CARD16: variants seen among roughly 807,000 people sequenced by gnomAD.
CARD16 encodes the protein caspase recruitment domain-containing protein 16.
In CARD16, 8 loss-of-function variants were observed where a neutral mutation model predicts 11.9. That is an observed-to-expected ratio of 0.67 (90% CI 0.39 to 1.21). The LOEUF is 1.21. CARD16 is among the 50% of genes most tolerant of loss of function. CARD16 has a pLI of 0.01. For missense variants in CARD16, 131 were observed against 118.1 expected (o/e 1.11, Z -0.51); for synonymous variants, 44 against 43.8 (o/e 1.00, Z -0.02).
Position 105,044,092 on chromosome 11 carries a change from G to A in CARD16, c.274+300C>T, listed in dbSNP as rs915615439. On this transcript the variant is annotated intron_variant, in intron 2 of 3. Transcript: ENST00000673097. Reference sequence around the variant, plus strand: ...TAATAAATCAATCAATAAATATCGTGCCTTGCCAGGAACACTGGAACATAT... The same window carrying A: ...TAATAAATCAATCAATAAATATCGTACCTTGCCAGGAACACTGGAACATAT... 3.7e-5 allele frequency: 18 copies of A among 484,934 alleles called. 1 individual carries two copies. The highest frequency in any genetic ancestry group is 5.4e-4 in the Middle Eastern group (1 of 1,848). 30.0% of individuals were successfully genotyped at this position (484,934 alleles called of 1,614,324 possible). A position where few individuals can be genotyped will look rare whatever the true frequency, so the allele number is the denominator to read the frequency against.
At chr11:105,043,804 T>C (rs555904330) in intron 2 of CARD16, 2 of 401,534 alleles carry the variant, frequency 5.0e-6, no homozygotes, top group Admixed American at 4.2e-5. Flanking sequence ...CCTCCCAGTA[T>C]GATCTGCAGC....
intron 2 of CARD16, chr11:105,043,869 G>A (rs578024439): frequency 1.9e-5 from 6 of 308,268 alleles, no homozygotes; most frequent in Non-Finnish European, 3.6e-5. Flanking sequence ...GGCAACGGGA[G>A]GAAAGAGCCC....
At chr11:105,044,210 C>T in intron 2 of CARD16, 182 bp downstream of exon 2, 1 of 935,312 alleles carries the variant, frequency 1.1e-6, no homozygotes, top group Non-Finnish European at 1.6e-6. Context: ...GAAGAGGGCA[C>T]TGAGGATGAA....
chr11:105,042,360 T>C (rs904755497), intron 3 of CARD16, among the ~76,000 whole-genome samples: 14 of 152,156 alleles, frequency 9.2e-5, no homozygotes, highest in African/African-American at 3.1e-4. Flanking sequence ...TTCACGAACA[T>C]ATGAGGAAAT....
chr11:105,043,260 G>C (rs1022655763), intron 3 of CARD16, among the ~76,000 whole-genome samples: 5 of 152,072 alleles, frequency 3.3e-5, no homozygotes, highest in Non-Finnish European at 7.4e-5. Context: ...GTACTTATTT[G>C]GGTAATCAGA....
intron 3 of CARD16, 92 bp from the exon 4 acceptor site, chr11:105,041,811 T>G: frequency 8.3e-7 from 1 of 1,210,296 alleles, no homozygotes; most frequent in East Asian, 2.4e-5. Context: ...GGAAATACAT[T>G]CCTAGAGGAC....
At chr11:105,041,787 G>A (rs1487501313) in intron 3 of CARD16, 68 bp from the exon 4 acceptor site, 2 of 1,453,200 alleles carry the variant, frequency 1.4e-6, no homozygotes, top group South Asian at 1.2e-5. Flanking sequence ...ACCTATGGAG[G>A]AAGCTACAAA....
intron 1 of CARD16, 110 bp downstream of exon 1, chr11:105,045,181 T>C: frequency 4.0e-6 from 6 of 1,505,258 alleles, no homozygotes; most frequent in Non-Finnish European, 4.6e-6. Flanking sequence ...TCTCCCTCAC[T>C]TCTGCTCACC....
intron 2 of CARD16, 59 bp from the exon 3 acceptor site, chr11:105,043,604 C>T (rs1864146557): frequency 1.7e-6 from 2 of 1,190,096 alleles, no homozygotes; most frequent in East Asian, 4.7e-5. Context: ...AACTTTACAG[C>T]AATGCATAAG....
Position 105,043,508 on chromosome 11 carries a change from G to A in CARD16, c.*18C>T, listed in dbSNP as rs1406780796. ...CTGGGAAGGAAGAAAATAGTAATTG[G>A]GAGTCTTGTGTACTAAGCTAATTTC... On this transcript the variant is annotated 3_prime_UTR_variant, in exon 3 of 4. Coordinates refer to ENST00000673097, the MANE Select transcript of CARD16 (RefSeq NM_052889.4). 3.1e-6 allele frequency: 5 copies of A among 1,609,640 alleles called. No homozygotes were observed. The highest frequency in any genetic ancestry group is 3.3e-4 in the Middle Eastern group (2 of 6,046).
intron 3 of CARD16, among the ~76,000 whole-genome samples, chr11:105,042,951 AGT>A (rs1303319959): frequency 6.6e-6 from 1 of 152,208 alleles, no homozygotes; most frequent in East Asian, 1.9e-4. Flanking sequence ...AAGGAATAAG[AGT>A]TCTTTAATAA....
In CARD16 at chr11:105,041,633, G is replaced by A. The variant is rs150112763; in HGVS notation, c.*130C>T. The A allele has an allele frequency of 1.5e-4, 243 of 1,613,870 alleles. No homozygotes were observed. The highest frequency in any genetic ancestry group is 3.3e-4 in the Middle Eastern group (2 of 6,084). ...TGCAACTTTTGTTTCCATATCCTTT[G>A]AGCGTCTTCTAGAAAGCAAAGCTTG... On this transcript the variant is annotated 3_prime_UTR_variant, in exon 4 of 4. Transcript: ENST00000673097.
Position 105,045,276 on chromosome 11 carries a change from C to T in CARD16, c.7+15G>A, listed in dbSNP as rs184787523. On this transcript the variant is annotated intron_variant, in intron 1 of 3. Transcript: ENST00000673097. Reference sequence around the variant, plus strand: ...TCTTCCCAGGGACCTGTTCTTGGAACAGTAAAAGACTCACCGGCCATGGCT... The same window carrying T: ...TCTTCCCAGGGACCTGTTCTTGGAATAGTAAAAGACTCACCGGCCATGGCT... 53 of 1,614,008 alleles carry T rather than the reference C, an allele frequency of 3.3e-5. No individual in the cohort carries two copies. The African/African-American group carries it at 5.9e-4, about 18-fold the overall frequency.
In CARD16 at chr11:105,044,443, A is replaced by T; in HGVS notation, c.223T>A (p.Tyr75Asn). 6.2e-7 allele frequency: 1 copy of T among 1,614,122 alleles called. No homozygotes were observed. The highest frequency in any genetic ancestry group is 8.5e-7 in the Non-Finnish European group (1 of 1,179,982). Residue 75 changes from tyrosine to asparagine, a missense_variant, in exon 2 of 4, where the codon TAC becomes AAC. Tyr to Asn is a moderately radical substitution (Grantham distance 143). Transcript: ENST00000673097. ...GAQACQICIT[Y>N]ICEEDSYLAE... ...AGGTAACTGTCTTCTTCACAAATGT[A>T]TGTGATGCAAATTTGGCATGCCTGT... is the stretch of plus-strand genomic sequence containing the variant.
Position 105,041,658 on chromosome 11 carries a change from G to C in CARD16, c.*105C>G. ...GAGCGTCTTCTAGAAAGCAAAGCTTGATTCTGCCTTCTGGGCTTGAGCATG... is the reference window on the plus strand; with the variant it reads ...GAGCGTCTTCTAGAAAGCAAAGCTTCATTCTGCCTTCTGGGCTTGAGCATG... On this transcript the variant is annotated 3_prime_UTR_variant, in exon 4 of 4. Coordinates refer to ENST00000673097, the MANE Select transcript of CARD16 (RefSeq NM_052889.4). The C allele has an allele frequency of 6.2e-7, 1 of 1,614,014 alleles. No individual in the cohort carries two copies. The highest frequency in any genetic ancestry group is 1.7e-5 in the Admixed American group (1 of 59,992).
intron 3 of CARD16, 38 bp from the exon 4 acceptor site, chr11:105,041,757 C>T: frequency 1.3e-6 from 2 of 1,591,910 alleles, no homozygotes; most frequent in Non-Finnish European, 8.6e-7. Context: ...AGTGGTATCC[C>T]TCTTTGTTCT....
chr11:105,041,861 T>TCCATTAGCA, intron 3 of CARD16, 142 bp from the exon 4 acceptor site: 1 of 758,148 alleles, frequency 1.3e-6, no homozygotes, highest in Non-Finnish European at 2.1e-6. Flanking sequence ...GTGCGTTTGC[T>TCCATTAGCA]GCTAATGGAG....
At chr11:105,043,790 C>G in intron 2 of CARD16, 1 of 420,370 alleles carries the variant, frequency 2.4e-6, no homozygotes, top group Non-Finnish European at 4.3e-6. Context: ...GATGGAAGTC[C>G]AGGCCTCCCA....
chr11:105,043,090 T>C lies in CARD16; in HGVS notation c.*43+393A>G, dbSNP rs528959228. ...CCAAGATGAGTTTCAAGTTCCTGGA[T>C]TGAACAACTGGTGATGGTGGCATCA... On this transcript the variant is annotated intron_variant, in intron 3 of 3. Coordinates refer to ENST00000673097, the MANE Select transcript of CARD16 (RefSeq NM_052889.4). 7.9e-5 allele frequency among the ~76,000 whole-genome samples: 12 copies of C among 152,184 alleles called. No individual in the cohort carries two copies. In the East Asian group the frequency reaches 1.9e-3, roughly 25 times the overall value.
Sources: gnomAD v4.1 joint callset for allele counts (sites outside exome capture counted in the v4.1 genomes callset) on GRCh38, gnomAD v4.1.1 for gene constraint, MANE v1.5 for transcripts, NCBI Gene and HGNC (gene_info 2026-07-23, HGNC 2026-07-21) for gene names.